The following EHBP1 variants were observed in gnomAD, a reference collection of about 807,000 sequenced individuals.
EHBP1 encodes EH domain-binding protein 1.
Under a neutral mutation model 144.0 loss-of-function variants are expected in EHBP1, and 55 were observed. The observed-to-expected ratio is 0.38, with a 90% CI of 0.31 to 0.48. The LOEUF is 0.48. Ranked by LOEUF, EHBP1 falls within the 20% of genes least tolerant of loss-of-function variation. EHBP1 has a pLI of 0.98. For missense variants in EHBP1, 1,200 were observed against 1,364.2 expected, an observed-to-expected ratio of 0.88 and a Z score of 1.90; for synonymous variants, 469 against 472.7, an observed-to-expected ratio of 0.99 and a Z score of 0.10.
At chr2:62,974,481 C>G (rs2058630422) in intron 14 of EHBP1, among the ~76,000 whole-genome samples, 1 of 151,996 alleles carries the variant, frequency 6.6e-6, no homozygotes, top group Non-Finnish European at 1.5e-5. Context: ...TTTGCGTATA[C>G]CCTTCCAAAT....
chr2:62,774,208 T>C (rs2041895604), intron 5 of EHBP1, among the ~76,000 whole-genome samples: 1 of 151,822 alleles, frequency 6.6e-6, no homozygotes, highest in Non-Finnish European at 1.5e-5. Flanking sequence ...GCGTCTCTAC[T>C]AAAAATACAA....
chr2:62,831,223 A>G (rs1008756953), intron 7 of EHBP1, 65 bp downstream of exon 7: 78 of 1,470,526 alleles, frequency 5.3e-5, no homozygotes, highest in Non-Finnish European at 6.7e-5. Context: ...ACTCATTCTC[A>G]TTTCCCAGGA....
chr2:62,915,498 T>A (rs1393486500), intron 10 of EHBP1, among the ~76,000 whole-genome samples: 1 of 152,100 alleles, frequency 6.6e-6, no homozygotes, highest in East Asian at 1.9e-4. Flanking sequence ...GAAAAAGATA[T>A]GCTGAATAAG....
At chr2:62,735,583 C>A in intron 2 of EHBP1, among the ~76,000 whole-genome samples, 1 of 152,038 alleles carries the variant, frequency 6.6e-6, no homozygotes, top group East Asian at 1.9e-4. Context: ...GAGACAAATA[C>A]AAGTTTTCCT....
intron 2 of EHBP1, among the ~76,000 whole-genome samples, chr2:62,741,676 G>T (rs1009977231): frequency 6.6e-6 from 1 of 152,104 alleles, no homozygotes; most frequent in African/African-American, 2.4e-5. Context: ...TAGTATGAGA[G>T]CTAATTCCCG....
chr2:63,014,137 T>C (rs559568405), intron 19 of EHBP1, among the ~76,000 whole-genome samples: 1 of 152,346 alleles, frequency 6.6e-6, no homozygotes, highest in African/African-American at 2.4e-5. Flanking sequence ...GTTTCTGTTC[T>C]CATCATTGCA....
chr2:62,746,821 G>C (rs985624610), intron 2 of EHBP1, among the ~76,000 whole-genome samples: 2 of 151,966 alleles, frequency 1.3e-5, no homozygotes, highest in African/African-American at 4.8e-5. Flanking sequence ...CAGAGCTTTT[G>C]ATTATTTAAC....
At chr2:62,701,871 G>GA (rs769253957), upstream of EHBP1, among the ~76,000 whole-genome samples, 47 of 148,052 alleles carry the variant, frequency 3.2e-4, no homozygotes, top group Admixed American at 6.1e-4. Flanking sequence ...ATGGTAACTG[G>GA]AAAAAAAAAA....
intron 1 of EHBP1, among the ~76,000 whole-genome samples, chr2:62,679,504 T>A (rs2033433480): frequency 6.6e-6 from 1 of 152,212 alleles, no homozygotes; most frequent in African/African-American, 2.4e-5. Flanking sequence ...TTGCCACCTA[T>A]CTTTTATCTC....
chr2:62,937,737 G>C (rs1461499853), intron 10 of EHBP1, among the ~76,000 whole-genome samples: 2 of 152,134 alleles, frequency 1.3e-5, no homozygotes, highest in Admixed American at 6.5e-5. Flanking sequence ...GGAGGTGGGA[G>C]ACCTGGGGTT....
intron 19 of EHBP1, among the ~76,000 whole-genome samples, chr2:63,020,429 G>A (rs1166713286): frequency 1.3e-5 from 2 of 150,776 alleles, no homozygotes; most frequent in South Asian, 4.2e-4. Flanking sequence ...CTTGAACCCA[G>A]GAGGTGGAGG....
intron 4 of EHBP1, among the ~76,000 whole-genome samples, chr2:62,770,657 G>A (rs979514451): frequency 6.6e-6 from 1 of 152,124 alleles, no homozygotes; most frequent in Admixed American, 6.6e-5. Context: ...CCATTACCGG[G>A]TATATACCCA....
chr2:62,770,459 A>G (rs1163794602), intron 4 of EHBP1, among the ~76,000 whole-genome samples: 1 of 152,196 alleles, frequency 6.6e-6, no homozygotes, highest in Non-Finnish European at 1.5e-5. Context: ...AAATCACAAG[A>G]TAGCATCTCA....
rs144120808 is a variant in EHBP1 at position 62,801,711 on chromosome 2, G to A, written c.313-24376G>A. Among the ~76,000 whole-genome samples the A allele has an allele frequency of 6.2e-4, 94 of 152,158 alleles. 1 individual carries two copies. The highest frequency in any genetic ancestry group is 2.3e-3 in the South Asian group (11 of 4,822). ...ATAATTAAACTAAATTTTGTTATTT[G>A]TAGCCATTTCTGTTTCATAGAGTTT... On this transcript the variant is annotated intron_variant, in intron 5 of 22. Transcript: ENST00000431489.
At chr2:62,858,628 A>T (rs2049266665) in intron 7 of EHBP1, 1 of 658,558 alleles carries the variant, frequency 1.5e-6, no homozygotes, top group East Asian at 2.8e-5. Flanking sequence ...TTTTCCTTGA[A>T]TGTTTTCTTT....
In EHBP1 at chr2:62,948,266, G is replaced by A. The variant is rs1454079058; in HGVS notation, c.1420G>A (p.Asp474Asn). 5.8e-6 allele frequency: 9 copies of A among 1,559,004 alleles called. No individual in the cohort carries two copies. Among genetic ancestry groups the A allele is most frequent in the African/African-American group, 4.1e-5 (3 of 73,052 alleles). ...DIKENNKKAY[D>N]GFASIGISRL... ...GTTTTTCCTTCCTTTGAAGGCATACGATGGATTTGCCAGCATAGGAATTTC... is the reference window on the plus strand; with the variant it reads ...GTTTTTCCTTCCTTTGAAGGCATACAATGGATTTGCCAGCATAGGAATTTC... Residue 474 changes from aspartate to asparagine, a missense_variant, in exon 13 of 23, where the codon GAT (aspartate) becomes AAT (asparagine). Asp to Asn is a conservative substitution (Grantham distance 23). Coordinates refer to ENST00000431489, the MANE Select transcript of EHBP1 (RefSeq NM_001142616.3).
intron 2 of EHBP1, among the ~76,000 whole-genome samples, chr2:62,715,895 C>A (rs1301617752): frequency 6.6e-6 from 1 of 152,166 alleles, no homozygotes; most frequent in Non-Finnish European, 1.5e-5. Flanking sequence ...TTTGCTACAA[C>A]AAACTAATCT....
At chr2:62,827,452 G>T (rs138971702) in intron 6 of EHBP1, among the ~76,000 whole-genome samples, 1 of 152,122 alleles carries the variant, frequency 6.6e-6, no homozygotes, top group Non-Finnish European at 1.5e-5. Flanking sequence ...CCTTCCACTG[G>T]GCAAAAGCTG....
chr2:62,919,938 C>G (rs990694990), intron 10 of EHBP1, among the ~76,000 whole-genome samples: 3 of 151,966 alleles, frequency 2.0e-5, no homozygotes, highest in Non-Finnish European at 4.4e-5. Flanking sequence ...AATCATAGGA[C>G]AATAAAAGTT....
Sources: allele counts gnomAD v4.1 joint callset (sites outside exome capture counted in the v4.1 genomes callset), GRCh38; gene constraint gnomAD v4.1.1; transcripts MANE v1.5; gene names NCBI Gene and HGNC (gene_info 2026-07-23, HGNC 2026-07-21).